Variants in IQCB1 observed in about 807,000 individuals in gnomAD.
IQCB1 encodes the protein IQ motif containing B1.
In IQCB1, 56 loss-of-function variants were observed where a neutral mutation model predicts 84.4. The observed-to-expected ratio is 0.66, with a 90% CI of 0.54 to 0.83. The LOEUF is 0.83. IQCB1 is among the 40% of genes least tolerant of loss of function. The pLI, the probability that IQCB1 is intolerant of heterozygous loss-of-function variation, is 0.00. For synonymous variants in IQCB1, 210 were observed against 234.8 expected, an observed-to-expected ratio of 0.89 and a Z score of 0.96; for missense variants, 629 against 682.1, an observed-to-expected ratio of 0.92 and a Z score of 0.87.
intron 12 of IQCB1, among the ~76,000 whole-genome samples, chr3:121,784,140 C>A (rs1285366516): frequency 6.6e-6 from 1 of 150,554 alleles, no homozygotes; most frequent in Non-Finnish European, 1.5e-5. Context: ...TTCTTGATTT[C>A]AAATGTTTGG....
intron 14 of IQCB1, among the ~76,000 whole-genome samples, 200 bp from the exon 15 acceptor site, chr3:121,770,774 C>CT (rs1947946739): frequency 6.6e-6 from 1 of 152,154 alleles, no homozygotes; most frequent in Non-Finnish European, 1.5e-5. Flanking sequence ...CCTCAACCTC[C>CT]TGGGCTCAAG....
intron 5 of IQCB1, among the ~76,000 whole-genome samples, chr3:121,824,422 T>C (rs1297255864): frequency 6.6e-6 from 1 of 152,176 alleles, no homozygotes; most frequent in African/African-American, 2.4e-5. Flanking sequence ...CATTTAATAT[T>C]TTTGAACCAC....
chr3:121,797,028 A>G, intron 9 of IQCB1, 90 bp downstream of exon 9: 1 of 784,246 alleles, frequency 1.3e-6, no homozygotes, highest in Non-Finnish European at 2.3e-6. Context: ...TGAAATCTTA[A>G]GAGAAAGAAA....
intron 11 of IQCB1, among the ~76,000 whole-genome samples, chr3:121,789,578 T>C (rs528574484): frequency 1.3e-5 from 2 of 152,278 alleles, no homozygotes; most frequent in South Asian, 2.1e-4. Context: ...GGACCCTGGA[T>C]TGAATAACAA....
chr3:121,810,362 C>A (rs1949778007), intron 5 of IQCB1, among the ~76,000 whole-genome samples: 1 of 152,086 alleles, frequency 6.6e-6, no homozygotes, highest in Non-Finnish European at 1.5e-5. Context: ...TTTGCCACAT[C>A]TTTTTTATGC....
At chr3:121,786,391 G>C (rs969504094) in intron 12 of IQCB1, among the ~76,000 whole-genome samples, 15 of 150,838 alleles carry the variant, frequency 9.9e-5, no homozygotes, top group Non-Finnish European at 2.1e-4. Context: ...CAGCACTTAG[G>C]GAGGCTGAGG....
chr3:121,805,271 T>C (rs1209289217), intron 7 of IQCB1, among the ~76,000 whole-genome samples: 3 of 152,164 alleles, frequency 2.0e-5, no homozygotes, highest in Non-Finnish European at 4.4e-5. Context: ...TAATCTATCA[T>C]GTATCAGTAC....
intron 7 of IQCB1, among the ~76,000 whole-genome samples, chr3:121,801,850 A>G (rs1417504387): frequency 3.7e-5 from 5 of 136,776 alleles, no homozygotes; most frequent in Non-Finnish European, 6.2e-5. Context: ...TCAGGGCTAG[A>G]TAATGGATTT....
At chr3:121,774,563 T>C (rs1948144654) in intron 13 of IQCB1, among the ~76,000 whole-genome samples, 1 of 152,206 alleles carries the variant, frequency 6.6e-6, no homozygotes, top group South Asian at 2.1e-4. Context: ...ATGTAGTATA[T>C]ATAATGGAAT....
Position 121,772,633 on chromosome 3 carries a change from C to G in IQCB1, c.1491G>C (p.Arg497Ser), listed in dbSNP as rs1346401319. 17 of 1,614,030 alleles carry G rather than the reference C, an allele frequency of 1.1e-5. No individual in the cohort carries two copies. Among genetic ancestry groups the G allele is most frequent in the Non-Finnish European group, 1.4e-5 (17 of 1,180,034 alleles). Residue 497 changes from arginine (R) to serine (S), a missense_variant, in exon 14 of 15, where the codon AGG becomes AGC. Physicochemically the swap from Arg to Ser is moderately radical, Grantham distance 110. Transcript: ENST00000310864. ...QERLQHYFMGRALEERAQQHR... is the reference protein window; with the variant it reads ...QERLQHYFMGSALEERAQQHR... ...GCTGCTGGGCTCGCTCTTCTAGGGC[C>G]CTGCCCATAAAGTAGTGTTGCAGTC... is the stretch of plus-strand genomic sequence containing the variant.
chr3:121,799,961 G>A (rs955811847), intron 7 of IQCB1, among the ~76,000 whole-genome samples: 2 of 151,806 alleles, frequency 1.3e-5, no homozygotes, highest in Non-Finnish European at 3.0e-5. Flanking sequence ...AAGGAGTTAT[G>A]TGATTTTCTA....
At chr3:121,826,216 T>C in intron 4 of IQCB1, 36 bp from the exon 5 acceptor site, 1 of 1,608,708 alleles carries the variant, frequency 6.2e-7, no homozygotes, top group Non-Finnish European at 8.5e-7. Flanking sequence ...TAATTAGAAG[T>C]TTATGTTGAA....
At chr3:121,819,728 A>G (rs940068971) in intron 5 of IQCB1, among the ~76,000 whole-genome samples, 1 of 152,204 alleles carries the variant, frequency 6.6e-6, no homozygotes, top group African/African-American at 2.4e-5. Flanking sequence ...ATTTTTACTC[A>G]TGAGTAATCT....
intron 2 of IQCB1, among the ~76,000 whole-genome samples, chr3:121,829,300 T>C (rs1331489282): frequency 6.6e-6 from 1 of 152,152 alleles, no homozygotes; most frequent in Non-Finnish European, 1.5e-5. Context: ...TTAACTTCCT[T>C]TAATCACACA....
At position 121,788,437 on chromosome 3, in the gene IQCB1, A is replaced by T. The variant is rs776439087; in HGVS notation, c.1130-5T>A. Reference sequence around the variant, plus strand: ...GATAGTGTTTCTCCACCTGACCTAAAAAGATGATAGACACTATTACAACAT... The same window carrying T: ...GATAGTGTTTCTCCACCTGACCTAATAAGATGATAGACACTATTACAACAT... On this transcript the variant is annotated splice_region_variant and splice_polypyrimidine_tract_variant and intron_variant, in intron 11 of 14. Coordinates refer to ENST00000310864, the MANE Select transcript of IQCB1 (RefSeq NM_001023570.4). 4 of 1,612,474 alleles carry T rather than the reference A, an allele frequency of 2.5e-6. No homozygotes were observed. Among genetic ancestry groups the T allele is most frequent in the Non-Finnish European group, 3.4e-6 (4 of 1,178,700 alleles).
intron 14 of IQCB1, 62 bp from the exon 15 acceptor site, chr3:121,770,636 T>A: frequency 7.9e-7 from 1 of 1,272,408 alleles, no homozygotes; most frequent in Non-Finnish European, 1.1e-6. Context: ...GGTAGGAACT[T>A]GGAAGCTACA....
At position 121,799,152 on chromosome 3, in the gene IQCB1, T is replaced by A. The variant is rs1949309923; in HGVS notation, c.766+44A>T. 3 of 1,476,210 alleles carry A rather than the reference T, an allele frequency of 2.0e-6. 1 individual carries two copies. Among genetic ancestry groups the A allele is most frequent in the Non-Finnish European group, 9.4e-7 (1 of 1,060,828 alleles). The allele number at this position is 1,476,210 out of a possible 1,614,324, so 91.4% of individuals were successfully genotyped here. ...TTTTTCATAAACCATCAATAAAAAT[T>A]TTCTTTTTGAGAATCCCAAGAAAAG... On this transcript the variant is annotated intron_variant, in intron 8 of 14. Transcript: ENST00000310864.
intron 13 of IQCB1, among the ~76,000 whole-genome samples, chr3:121,773,247 GA>G (rs1324980415): frequency 7.2e-6 from 1 of 139,444 alleles, no homozygotes. Context: ...CTGGGAGGCA[GA>G]GTTTGCAATG....
At chr3:121,829,747 C>T (rs1488420829) in intron 2 of IQCB1, among the ~76,000 whole-genome samples, 1 of 152,178 alleles carries the variant, frequency 6.6e-6, no homozygotes, top group Non-Finnish European at 1.5e-5. Flanking sequence ...TATGCTTTTT[C>T]CCTTTGCTGA....
Sources: allele counts gnomAD v4.1 joint callset (sites outside exome capture counted in the v4.1 genomes callset), GRCh38; gene constraint gnomAD v4.1.1; transcripts MANE v1.5; gene names NCBI Gene and HGNC (gene_info 2026-07-23, HGNC 2026-07-21).